CACNB2: variants seen among roughly 807,000 people sequenced by gnomAD.
CACNB2 encodes the protein calcium voltage-gated channel auxiliary subunit beta 2.
In CACNB2, 42 loss-of-function variants were observed where a neutral mutation model predicts 73.3. That is an observed-to-expected ratio of 0.57 (90% CI 0.45 to 0.74). CACNB2 has a LOEUF of 0.74. Among genes scored for constraint, CACNB2 ranks in the 30% least tolerant of loss-of-function variants. CACNB2 has a pLI of 0.00. For missense variants in CACNB2, 940 were observed against 853.0 expected (o/e 1.10, Z -1.27); for synonymous variants, 348 against 310.3 (o/e 1.12, Z -1.28).
intron 2 of CACNB2, among the ~76,000 whole-genome samples, chr10:18,267,766 C>A (rs2037876754): frequency 6.6e-6 from 1 of 152,210 alleles, no homozygotes; most frequent in Non-Finnish European, 1.5e-5. Flanking sequence ...ATGGGACCCT[C>A]TGGTTGCCTT....
intron 3 of CACNB2, among the ~76,000 whole-genome samples, chr10:18,471,854 A>C (rs1395326883): frequency 6.6e-6 from 1 of 152,232 alleles, no homozygotes; most frequent in Non-Finnish European, 1.5e-5. Flanking sequence ...AAATCTGTAA[A>C]GATGTTTTAA....
intron 2 of CACNB2, among the ~76,000 whole-genome samples, chr10:18,195,447 G>C (rs918870537): frequency 6.6e-6 from 1 of 152,222 alleles, no homozygotes; most frequent in African/African-American, 2.4e-5. Flanking sequence ...AATCAGGCGA[G>C]ATCCCAGTTC....
At chr10:18,517,564 TAATG>T (rs538749309) in intron 7 of CACNB2, among the ~76,000 whole-genome samples, 50 of 152,352 alleles carry the variant, frequency 3.3e-4, no homozygotes, top group African/African-American at 1.0e-3. Flanking sequence ...TGCACATTGA[TAATG>T]AACCTTTTGA....
At chr10:18,510,993 T>C (rs892124381) in intron 6 of CACNB2, among the ~76,000 whole-genome samples, 2 of 152,240 alleles carry the variant, frequency 1.3e-5, no homozygotes, top group Non-Finnish European at 2.9e-5. Flanking sequence ...GACTCTTGCC[T>C]GGCTTATGCC....
chr10:18,328,802 C>A (rs1041959358), intron 2 of CACNB2, among the ~76,000 whole-genome samples: 4 of 152,120 alleles, frequency 2.6e-5, no homozygotes. Context: ...GTGAACCAAA[C>A]GTAACCCTAG....
intron 2 of CACNB2, among the ~76,000 whole-genome samples, chr10:18,376,501 A>C (rs2042803599): frequency 6.6e-6 from 1 of 152,218 alleles, no homozygotes; most frequent in Non-Finnish European, 1.5e-5. Context: ...AAAGAAACAC[A>C]AAATGTGGCT....
At chr10:18,423,039 T>C (rs2045411049) in intron 3 of CACNB2, among the ~76,000 whole-genome samples, 1 of 152,234 alleles carries the variant, frequency 6.6e-6, no homozygotes, top group Non-Finnish European at 1.5e-5. Flanking sequence ...ATAATAAATA[T>C]GTGTGGACTG....
chr10:18,401,835 C>A, intron 2 of CACNB2, 89 bp from the exon 3 acceptor site: 1 of 1,292,116 alleles, frequency 7.7e-7, no homozygotes, highest in Non-Finnish European at 1.1e-6. Context: ...ATAGAACAAT[C>A]CGGGAAGCTA....
chr10:18,284,966 A>G (rs961099140), intron 2 of CACNB2, among the ~76,000 whole-genome samples: 3 of 152,056 alleles, frequency 2.0e-5, no homozygotes, highest in East Asian at 3.8e-4. Flanking sequence ...AAGAAATTCA[A>G]TGGGAAAGGA....
At chr10:18,440,612 G>C (rs779005075) in intron 3 of CACNB2, among the ~76,000 whole-genome samples, 2 of 152,150 alleles carry the variant, frequency 1.3e-5, no homozygotes, top group Non-Finnish European at 2.9e-5. Context: ...CTGCACTCCA[G>C]CCTGGGTGAC....
intron 11 of CACNB2, among the ~76,000 whole-genome samples, chr10:18,534,864 C>T (rs906697549): frequency 2.0e-5 from 3 of 152,336 alleles, no homozygotes; most frequent in Admixed American, 2.0e-4. Context: ...CAACAACTGA[C>T]AGGCTATGCT....
intron 3 of CACNB2, among the ~76,000 whole-genome samples, chr10:18,414,544 G>A (rs2132658939): frequency 6.7e-6 from 1 of 149,098 alleles, no homozygotes; most frequent in Non-Finnish European, 1.5e-5. Flanking sequence ...GAGCGCAGTG[G>A]CACAATCTCG....
intron 3 of CACNB2, among the ~76,000 whole-genome samples, chr10:18,442,949 T>TAC (rs2046506585): frequency 1.0e-4 from 2 of 19,568 alleles, no homozygotes; most frequent in Non-Finnish European, 1.5e-4. Flanking sequence ...TATGTGTATA[T>TAC]ATATATATGT....
intron 3 of CACNB2, among the ~76,000 whole-genome samples, chr10:18,429,674 AAAAAAAAC>A (rs1215887933): frequency 7.2e-6 from 1 of 139,722 alleles, no homozygotes; most frequent in Non-Finnish European, 1.6e-5. Context: ...CAAAAAAAAA[AAAAAAAAC>A]CAAATTAACC....
intron 3 of CACNB2, among the ~76,000 whole-genome samples, chr10:18,430,074 G>A (rs1177914103): frequency 6.6e-6 from 1 of 151,632 alleles, no homozygotes; most frequent in Non-Finnish European, 1.5e-5. Context: ...CTGAATTTTG[G>A]TATAATCTTC....
rs957589477 is a variant in CACNB2, at chr10:18,543,103, G to T, written c.*3379G>T. ...AACTGTCTAACAAACCTGGTTTAAA[G>T]TAATTCATATAAAACAAATAAAGAG... On this transcript the variant is annotated 3_prime_UTR_variant, in exon 14 of 14. Coordinates refer to ENST00000324631, the MANE Select transcript of CACNB2 (RefSeq NM_201596.3). The T allele has an allele frequency of 6.6e-6, 1 of 152,066 alleles. No individual in the cohort carries two copies. The highest frequency in any genetic ancestry group is 2.4e-5 in the African/African-American group (1 of 41,420). The allele number at this position is 152,066 out of a possible 1,614,324, so 9.4% of individuals were successfully genotyped here.
At chr10:18,278,922 T>C (rs1215470537) in intron 2 of CACNB2, among the ~76,000 whole-genome samples, 1 of 151,910 alleles carries the variant, frequency 6.6e-6, no homozygotes, top group Non-Finnish European at 1.5e-5. Context: ...GAGGCTGAGG[T>C]GGGAGGATCG....
At chr10:18,309,521 G>A (rs891953436) in intron 2 of CACNB2, among the ~76,000 whole-genome samples, 4 of 152,098 alleles carry the variant, frequency 2.6e-5, no homozygotes, top group East Asian at 3.8e-4. Context: ...GCAATGGTGC[G>A]ATCTCGGCTC....
chr10:18,496,812 C>CT (rs2049850966), intron 3 of CACNB2, among the ~76,000 whole-genome samples: 1 of 63,670 alleles, frequency 1.6e-5, no homozygotes, highest in South Asian at 4.5e-4. Flanking sequence ...GAAACTCCGC[C>CT]TCAAAAAAAA....
Sources: allele counts gnomAD v4.1 joint callset (sites outside exome capture counted in the v4.1 genomes callset), GRCh38; gene constraint gnomAD v4.1.1; transcripts MANE v1.5; gene names NCBI Gene and HGNC (gene_info 2026-07-23, HGNC 2026-07-21).